The following CHSY3 variants were observed in gnomAD, a reference collection of about 807,000 sequenced individuals.
CHSY3 encodes N-acetylgalactosaminyl-proteoglycan 3-beta-glucuronosyltransferase 3.
A neutral mutation model predicts 67.2 loss-of-function variants in CHSY3; 35 were observed. The observed-to-expected ratio is 0.52, with a 90% CI of 0.40 to 0.69. The LOEUF is 0.69. Among genes scored for constraint, CHSY3 ranks in the 30% least tolerant of loss-of-function variants. CHSY3 has a pLI of 0.00. For missense variants in CHSY3, 1,069 were observed against 1,138.5 expected (o/e 0.94, Z 0.88); for synonymous variants, 474 against 434.7 (o/e 1.09, Z -1.12).
At chr5:130,162,536 T>G (rs1769587906) in intron 2 of CHSY3, among the ~76,000 whole-genome samples, 1 of 152,072 alleles carries the variant, frequency 6.6e-6, no homozygotes, top group Non-Finnish European at 1.5e-5. Flanking sequence ...TATTTATTTA[T>G]TTATTGACTT....
At chr5:130,138,052 T>C (rs1768723209) in intron 2 of CHSY3, among the ~76,000 whole-genome samples, 1 of 152,056 alleles carries the variant, frequency 6.6e-6, no homozygotes, top group South Asian at 2.1e-4. Flanking sequence ...AATATTGTGC[T>C]AGCCAAAAAA....
intron 2 of CHSY3, among the ~76,000 whole-genome samples, chr5:130,175,947 G>C (rs556936202): frequency 6.6e-6 from 1 of 152,252 alleles, no homozygotes; most frequent in African/African-American, 2.4e-5. Flanking sequence ...CACGGGCAAA[G>C]ACTTCATAAT....
intron 2 of CHSY3, among the ~76,000 whole-genome samples, chr5:130,076,598 C>A (rs568909694): frequency 6.6e-6 from 1 of 151,784 alleles, no homozygotes; most frequent in Non-Finnish European, 1.5e-5. Context: ...TTCCTACATG[C>A]ACACTTCATA....
intron 2 of CHSY3, among the ~76,000 whole-genome samples, chr5:129,974,076 C>A (rs1369868396): frequency 1.3e-5 from 2 of 152,076 alleles, no homozygotes; most frequent in Non-Finnish European, 2.9e-5. Flanking sequence ...CCTATTATCC[C>A]AAATAACTGA....
chr5:129,919,853 A>C (rs1760860022), intron 2 of CHSY3, among the ~76,000 whole-genome samples: 1 of 152,230 alleles, frequency 6.6e-6, no homozygotes, highest in Non-Finnish European at 1.5e-5. Context: ...ATGTATGTAT[A>C]AGGTAAAAAG....
chr5:130,033,230 AC>A (rs1353769109), intron 2 of CHSY3, among the ~76,000 whole-genome samples: 2 of 152,086 alleles, frequency 1.3e-5, no homozygotes, highest in Admixed American at 1.3e-4. Context: ...TCTTAAGTAA[AC>A]TTTTTAATTA....
intron 2 of CHSY3, among the ~76,000 whole-genome samples, chr5:130,030,765 T>C (rs1005305526): frequency 1.3e-5 from 2 of 152,126 alleles, no homozygotes; most frequent in Non-Finnish European, 2.9e-5. Flanking sequence ...TTAAGAGCTT[T>C]GGGGGCTTTA....
rs577034257 is a variant in CHSY3, at chr5:130,104,727, A to T, written c.1087-79502A>T. On this transcript the variant is annotated intron_variant, in intron 2 of 2. Coordinates refer to ENST00000305031, the MANE Select transcript of CHSY3 (RefSeq NM_175856.5). The stretch of plus-strand genomic sequence containing the variant: ...TTCGACTTGTTAATGTTTTTTGTTA[A>T]TGAATATGAATTAACAAAAAAGTAT... 5.9e-5 allele frequency among the ~76,000 whole-genome samples: 9 copies of T among 151,992 alleles called. No homozygotes were observed. The East Asian group carries it at 1.7e-3, about 29-fold the overall frequency.
chr5:130,012,141 A>C (rs1447167236), intron 2 of CHSY3, among the ~76,000 whole-genome samples: 1 of 152,350 alleles, frequency 6.6e-6, no homozygotes, highest in Non-Finnish European at 1.5e-5. Flanking sequence ...TGAGTAATCA[A>C]AGCAATCATA....
rs1016229268 is a variant in CHSY3 at position 130,175,898 on chromosome 5, C to T, written c.1087-8331C>T. ...ATGTAAGACCTAAAACCATAGAAAC[C>T]CTAGAAGAAAACCTAGGCCATACCA... On this transcript the variant is annotated intron_variant, in intron 2 of 2. Coordinates refer to ENST00000305031, the MANE Select transcript of CHSY3 (RefSeq NM_175856.5). 9.9e-5 allele frequency among the ~76,000 whole-genome samples: 15 copies of T among 152,052 alleles called. 1 individual carries two copies. The highest frequency in any genetic ancestry group is 3.4e-4 in the African/African-American group (14 of 41,394).
chr5:129,919,511 T>C (rs554743197), intron 2 of CHSY3, among the ~76,000 whole-genome samples: 7 of 152,152 alleles, frequency 4.6e-5, no homozygotes, highest in African/African-American at 1.2e-4. Context: ...CTCACAATCA[T>C]GGCAGAAGGC....
At chr5:130,079,246 T>A (rs1467516665) in intron 2 of CHSY3, among the ~76,000 whole-genome samples, 1 of 152,106 alleles carries the variant, frequency 6.6e-6, no homozygotes, top group Non-Finnish European at 1.5e-5. Context: ...GCTTCTTTCC[T>A]TAGAAATTTA....
intron 2 of CHSY3, among the ~76,000 whole-genome samples, chr5:130,148,679 G>A (rs1384188485): frequency 6.6e-6 from 1 of 152,022 alleles, no homozygotes; most frequent in Non-Finnish European, 1.5e-5. Flanking sequence ...TATGCTTATT[G>A]GCTATATGTA....
At chr5:130,102,715 A>T (rs1407727238) in intron 2 of CHSY3, among the ~76,000 whole-genome samples, 1 of 152,142 alleles carries the variant, frequency 6.6e-6, no homozygotes, top group Non-Finnish European at 1.5e-5. Context: ...CTAAAGCCAA[A>T]TTATGAATAT....
chr5:130,178,251 A>ATTT (rs1298647034), intron 2 of CHSY3, among the ~76,000 whole-genome samples: 83 of 62,728 alleles, frequency 1.3e-3, no homozygotes, highest in African/African-American at 3.7e-3. Flanking sequence ...ATATATATAT[A>ATTT]TATTTTTTTT....
At chr5:130,137,600 C>G (rs1354390873) in intron 2 of CHSY3, among the ~76,000 whole-genome samples, 1 of 152,136 alleles carries the variant, frequency 6.6e-6, no homozygotes, top group Non-Finnish European at 1.5e-5. Flanking sequence ...AACATATACT[C>G]TCATTTATTT....
At chr5:130,061,720 C>G (rs1398483053) in intron 2 of CHSY3, among the ~76,000 whole-genome samples, 1 of 151,806 alleles carries the variant, frequency 6.6e-6, no homozygotes, top group Admixed American at 6.6e-5. Flanking sequence ...AAAAGACAAC[C>G]CCACTGAAAG....
intron 2 of CHSY3, chr5:130,141,931 C>T (rs184417211): frequency 4.5e-6 from 1 of 221,998 alleles, no homozygotes; most frequent in South Asian, 6.0e-5. Flanking sequence ...CCCAGGGCCC[C>T]CATTGAAGAG....
intron 2 of CHSY3, among the ~76,000 whole-genome samples, chr5:130,020,444 TATATATATATATA>T (rs1424101240): frequency 0.12 from 4,692 of 38,122 alleles, 311 homozygotes; most frequent in Non-Finnish European, 0.14. Flanking sequence ...TATATATATA[TATATATATATATA>T]TATATTTTTT....
Sources: allele counts gnomAD v4.1 joint callset (sites outside exome capture counted in the v4.1 genomes callset), GRCh38; gene constraint gnomAD v4.1.1; transcripts MANE v1.5; gene names NCBI Gene and HGNC (gene_info 2026-07-23, HGNC 2026-07-21).